The following DAB1 variants were observed in gnomAD, a reference collection of about 807,000 sequenced individuals.
DAB1 encodes the protein disabled homolog 1.
A neutral mutation model predicts 64.6 loss-of-function variants in DAB1; 15 were observed. The ratio of observed to expected loss-of-function variants is 0.23; its 90% confidence interval spans 0.16 to 0.36. The LOEUF is 0.36. DAB1 is among the 10% of genes least tolerant of loss of function. The pLI is 1.00. For synonymous variants in DAB1, 235 were observed against 251.9 expected, an observed-to-expected ratio of 0.93 and a Z score of 0.64; for missense variants, 596 against 706.7, an observed-to-expected ratio of 0.84 and a Z score of 1.78.
intron 6 of DAB1, among the ~76,000 whole-genome samples, chr1:57,740,738 G>A (rs1647949116): frequency 6.6e-6 from 1 of 152,126 alleles, no homozygotes; most frequent in Non-Finnish European, 1.5e-5. Context: ...AGATGTCGGC[G>A]ATTCTGATTG....
chr1:57,271,733 AG>A (rs1318399726), intron 2 of DAB1, among the ~76,000 whole-genome samples: 2 of 152,174 alleles, frequency 1.3e-5, no homozygotes, highest in African/African-American at 4.8e-5. Context: ...GGCTTCCTGG[AG>A]GAAGTGCCAT....
At chr1:58,408,533 T>C (rs751660596) in intron 3 of DAB1, among the ~76,000 whole-genome samples, 1 of 152,178 alleles carries the variant, frequency 6.6e-6, no homozygotes, top group Non-Finnish European at 1.5e-5. Context: ...GCAGTGTCTG[T>C]CAAAATGTGT....
At position 57,429,118 on chromosome 1, in the gene DAB1, T is replaced by G. The variant is rs1343249813; in HGVS notation, n.626-137952A>C. Among the ~76,000 whole-genome samples the G allele has an allele frequency of 3.7e-4, 57 of 152,100 alleles. 1 individual carries two copies. Among genetic ancestry groups the G allele is most frequent in the Non-Finnish European group, 1.5e-5 (1 of 68,016 alleles). On this transcript the variant is annotated intron_variant and non_coding_transcript_variant, in intron 7 of 20. Transcript: ENST00000485760. ...TTTGTAAGGACAAGGTCTCCCTATG[T>G]TTTTCACGCTGATTTTCAACTTTTG...
intron 2 of DAB1, among the ~76,000 whole-genome samples, chr1:57,167,668 T>C (rs1661333406): frequency 1.3e-5 from 2 of 152,154 alleles, no homozygotes; most frequent in Non-Finnish European, 2.9e-5. Flanking sequence ...AGAACTGAGA[T>C]TACCAATTTC....
At chr1:57,468,516 A>T (rs1445567833) in intron 7 of DAB1, among the ~76,000 whole-genome samples, 1 of 152,190 alleles carries the variant, frequency 6.6e-6, no homozygotes, top group East Asian at 1.9e-4. Flanking sequence ...TCTGATCTAT[A>T]ATTTGGTGAT....
intron 5 of DAB1, among the ~76,000 whole-genome samples, chr1:58,118,175 T>C (rs1328652702): frequency 4.0e-5 from 6 of 151,476 alleles, no homozygotes; most frequent in African/African-American, 1.5e-4. Flanking sequence ...CCTTCCAAAG[T>C]GCTAGAATTA....
intron 7 of DAB1, among the ~76,000 whole-genome samples, chr1:57,562,138 C>T (rs572633425): frequency 4.0e-4 from 61 of 152,282 alleles, no homozygotes; most frequent in African/African-American, 1.3e-3. Context: ...TTTGGGAGGC[C>T]GAGGCAGGTG....
At chr1:57,272,655 A>T (rs1317112685) in intron 2 of DAB1, among the ~76,000 whole-genome samples, 1 of 152,168 alleles carries the variant, frequency 6.6e-6, no homozygotes, top group Admixed American at 6.5e-5. Context: ...TGGCAGACTG[A>T]CTGATCAACT....
intron 2 of DAB1, among the ~76,000 whole-genome samples, chr1:57,290,023 C>A (rs551821695): frequency 6.6e-6 from 1 of 152,348 alleles, no homozygotes; most frequent in Admixed American, 6.5e-5. Context: ...ATATCTCTGG[C>A]TCCTCTCTGC....
At chr1:58,065,969 G>A (rs1648830406) in intron 5 of DAB1, among the ~76,000 whole-genome samples, 1 of 152,224 alleles carries the variant, frequency 6.6e-6, no homozygotes, top group African/African-American at 2.4e-5. Flanking sequence ...AGGTTAGCAA[G>A]TGCAAGCTGT....
chr1:57,221,520 A>G (rs1207686624), intron 2 of DAB1, among the ~76,000 whole-genome samples: 1 of 152,032 alleles, frequency 6.6e-6, no homozygotes, highest in Non-Finnish European at 1.5e-5. Flanking sequence ...ACAAAACGTT[A>G]CAAAATACTA....
intron 4 of DAB1, among the ~76,000 whole-genome samples, chr1:58,224,126 GCAGT>G (rs1659333808): frequency 6.6e-6 from 1 of 152,154 alleles, no homozygotes; most frequent in Non-Finnish European, 1.5e-5. Flanking sequence ...CCTAGAATTT[GCAGT>G]CAGACAAACC....
At chr1:58,527,425 T>C (rs1646370033) in intron 1 of DAB1, 2 of 721,838 alleles carry the variant, frequency 2.8e-6, no homozygotes, top group South Asian at 2.9e-5. Flanking sequence ...AACAGTTTCA[T>C]GGAGTATCTA....
At chr1:57,239,788 A>G (rs1234941933) in intron 2 of DAB1, among the ~76,000 whole-genome samples, 1 of 152,202 alleles carries the variant, frequency 6.6e-6, no homozygotes, top group East Asian at 1.9e-4. Flanking sequence ...CTTCCCAGAT[A>G]AATTCTCTCT....
intron 1 of DAB1, among the ~76,000 whole-genome samples, chr1:57,376,608 G>C (rs1428285620): frequency 6.6e-6 from 1 of 152,134 alleles, no homozygotes; most frequent in African/African-American, 2.4e-5. Context: ...TTACATGTTT[G>C]TTTCCAGCTA....
At chr1:58,056,184 G>C in intron 5 of DAB1, 1 of 1,539,936 alleles carries the variant, frequency 6.5e-7, no homozygotes, top group Non-Finnish European at 8.9e-7. Context: ...GTCTAAATCG[G>C]GATGGGGGTG....
chr1:58,173,885 C>T (rs1656314041), intron 4 of DAB1, among the ~76,000 whole-genome samples: 1 of 152,162 alleles, frequency 6.6e-6, no homozygotes, highest in Admixed American at 6.6e-5. Flanking sequence ...AGTGCAGAGC[C>T]ATACAATGAA....
At chr1:58,019,579 C>T (rs2100450103) in intron 5 of DAB1, among the ~76,000 whole-genome samples, 1 of 152,250 alleles carries the variant, frequency 6.6e-6, no homozygotes, top group Non-Finnish European at 1.5e-5. Context: ...CTAACTGCAC[C>T]ATGAAAAATG....
intron 7 of DAB1, among the ~76,000 whole-genome samples, chr1:57,645,187 A>C (rs192051521): frequency 6.6e-6 from 1 of 152,070 alleles, no homozygotes; most frequent in Non-Finnish European, 1.5e-5. Context: ...CTAACTGAAA[A>C]CATGCCAAGA....
Sources: allele counts gnomAD v4.1 joint callset (sites outside exome capture counted in the v4.1 genomes callset), GRCh38; gene constraint gnomAD v4.1.1; transcripts MANE v1.5; gene names NCBI Gene and HGNC (gene_info 2026-07-23, HGNC 2026-07-21).